Variants in ANKRD7 observed in about 807,000 individuals in gnomAD.
The protein encoded by ANKRD7 is ankyrin repeat domain-containing protein 7.
Under a neutral mutation model 30.8 loss-of-function variants are expected in ANKRD7, and 30 were observed. The ratio of observed to expected loss-of-function variants is 0.97; its 90% CI spans 0.73 to 1.32. The LOEUF is 1.32. Ranked by LOEUF, ANKRD7 falls within the 40% of genes most tolerant of loss-of-function variation. The probability of loss-of-function intolerance (pLI) is 0.00; values close to 1 mark genes in which losing one functional copy is unlikely to be tolerated. For synonymous variants in ANKRD7, 97 were observed against 106.6 expected, an observed-to-expected ratio of 0.91 and a Z score of 0.55; for missense variants, 264 against 295.7, an observed-to-expected ratio of 0.89 and a Z score of 0.79.
intron 1 of ANKRD7, among the ~76,000 whole-genome samples, chr7:118,227,496 A>G (rs908047161): frequency 1.3e-5 from 2 of 152,150 alleles, no homozygotes; most frequent in Non-Finnish European, 2.9e-5. Context: ...GAGACTTCCA[A>G]TTAGTTTCTG....
chr7:118,236,207 CGT>C (rs1809726730), intron 4 of ANKRD7, 60 bp downstream of exon 4: 10 of 595,848 alleles, frequency 1.7e-5, no homozygotes, highest in Non-Finnish European at 2.8e-5. Flanking sequence ...TGTGTGTGTG[CGT>C]ATGTGTGTGT....
intron 6 of ANKRD7, among the ~76,000 whole-genome samples, chr7:118,240,882 C>T (rs1014928521): frequency 5.3e-5 from 8 of 151,990 alleles, no homozygotes; most frequent in East Asian, 3.9e-4. Flanking sequence ...TGGCCGGGCG[C>T]GGTGGCTCAC....
In ANKRD7 at chr7:118,224,750, G is replaced by A; in HGVS notation, c.-81G>A. ...TACTGGAGAGGGCTGCCGGCCGGAT[G>A]CCAGGGCAGAGGGGCAGGGCGGACG... is the stretch of plus-strand genomic sequence containing the variant. On this transcript the variant is annotated 5_prime_UTR_variant, in exon 1 of 7. An upstream start codon of the reference 5' UTR is lost. Transcript: ENST00000265224. 2 of 1,528,314 alleles carry A rather than the reference G, an allele frequency of 1.3e-6. No homozygotes were observed. The highest frequency in any genetic ancestry group is 1.7e-6 in the Non-Finnish European group (2 of 1,142,958). 94.7% of individuals were successfully genotyped at this position (1,528,314 alleles called of 1,614,324 possible).
At position 118,239,966 on chromosome 7, in the gene ANKRD7, CT is replaced by C; in HGVS notation, c.*7del. On this transcript the variant is annotated 3_prime_UTR_variant, in exon 6 of 7. Coordinates refer to ENST00000265224, the MANE Select transcript of ANKRD7 (RefSeq NM_019644.4). ...AAGAAGAAACATGCTAAATAGACAC[CT>C]TATTCTTGGCACTACATGTGACTAA... 1 of 1,585,930 alleles carries C rather than the reference CT, an allele frequency of 6.3e-7. No homozygotes were observed. The highest frequency in any genetic ancestry group is 8.6e-7 in the Non-Finnish European group (1 of 1,162,912).
chr7:118,242,113 G>A (rs181962098), intron 6 of ANKRD7, among the ~76,000 whole-genome samples: 17 of 152,248 alleles, frequency 1.1e-4, no homozygotes, highest in Middle Eastern at 3.4e-3. Context: ...GTTTTAAAGC[G>A]TAGATTTATT....
In ANKRD7 at chr7:118,236,931, G is replaced by C; in HGVS notation, c.712+5G>C. 6.2e-7 allele frequency: 1 copy of C among 1,613,380 alleles called. No homozygotes were observed. Among genetic ancestry groups the C allele is most frequent in the South Asian group, 1.1e-5 (1 of 90,960 alleles). ...TTATTTCCATGGTTTTACTGCGTAA[G>C]TGATACTGCATGTCTTTTAACAACT... On this transcript the variant is annotated splice_donor_5th_base_variant and intron_variant, in intron 5 of 6. Coordinates refer to ENST00000265224, the MANE Select transcript of ANKRD7 (RefSeq NM_019644.4).
At chr7:118,229,949 T>C (rs897156187) in intron 1 of ANKRD7, among the ~76,000 whole-genome samples, 2 of 152,078 alleles carry the variant, frequency 1.3e-5, no homozygotes, top group Non-Finnish European at 2.9e-5. Flanking sequence ...ATCTCAATAG[T>C]TGTAGGAAAA....
At chr7:118,240,256 C>T (rs2116028566) in intron 6 of ANKRD7, among the ~76,000 whole-genome samples, 1 of 152,138 alleles carries the variant, frequency 6.6e-6, no homozygotes, top group East Asian at 1.9e-4. Context: ...TGGTGCACTG[C>T]ACCCACTAAC....
At chr7:118,227,947 T>C (rs1427385501) in intron 1 of ANKRD7, 1 of 1,343,474 alleles carries the variant, frequency 7.4e-7, no homozygotes. Flanking sequence ...TCCAATCTTC[T>C]AGATGGCTTT....
chr7:118,239,066 T>C (rs1178229460), intron 5 of ANKRD7, among the ~76,000 whole-genome samples: 2 of 152,138 alleles, frequency 1.3e-5, no homozygotes, highest in African/African-American at 4.8e-5. Flanking sequence ...GGATGACTTA[T>C]ATGAAAAGGC....
chr7:118,227,988 T>C (rs1277765214), intron 1 of ANKRD7: 1 of 1,317,902 alleles, frequency 7.6e-7, no homozygotes, highest in Admixed American at 2.2e-5. Context: ...AATGACTTTA[T>C]AAGGTAATCG....
chr7:118,227,906 C>CTTTTTTT lies in ANKRD7; in HGVS notation c.179+2905_179+2911dup, dbSNP rs67297938. The CTTTTTTT allele has an allele frequency of 2.4e-6, 3 of 1,243,204 alleles. No homozygotes were observed. In the African/African-American group the frequency reaches 4.8e-5, roughly 20 times the overall value. The allele number at this position is 1,243,204 out of a possible 1,614,324, so 77.0% of individuals were successfully genotyped here. A position where few individuals can be genotyped will look rare whatever the true frequency, so the allele number is the denominator to read the frequency against. ...ATTTAGCTTATTGATAGTATTATGT[C>CTTTTTTT]TTTTTTTTTTTTTTAACAAAAACAG... is the stretch of plus-strand genomic sequence containing the variant. On this transcript the variant is annotated intron_variant, in intron 1 of 6. Transcript: ENST00000265224.
At chr7:118,241,023 G>C (rs574087812) in intron 6 of ANKRD7, among the ~76,000 whole-genome samples, 16 of 149,418 alleles carry the variant, frequency 1.1e-4, no homozygotes, top group Non-Finnish European at 2.1e-4. Context: ...GCGCGGTGGC[G>C]GGCGCCTGTA....
chr7:118,228,544 C>G (rs1385694446), intron 1 of ANKRD7, among the ~76,000 whole-genome samples: 1 of 152,144 alleles, frequency 6.6e-6, no homozygotes, highest in Non-Finnish European at 1.5e-5. Flanking sequence ...ACCACTAGCT[C>G]CATCACATCA....
At chr7:118,236,274 A>G in intron 4 of ANKRD7, 127 bp downstream of exon 4, 1 of 541,758 alleles carries the variant, frequency 1.8e-6, no homozygotes, top group Non-Finnish European at 3.2e-6. Flanking sequence ...TTGGGAAAAT[A>G]TAGAACCATA....
intron 1 of ANKRD7, among the ~76,000 whole-genome samples, 177 bp from the exon 2 acceptor site, chr7:118,234,254 C>T (rs10267938): frequency 0.28 from 43,230 of 152,032 alleles, 6,424 homozygotes; most frequent in Non-Finnish European, 0.33. Flanking sequence ...AACACACTTG[C>T]GCAGCCCTGA....
chr7:118,241,556 T>TTTTTTTTTTTTTTTTG (rs1554369225), intron 6 of ANKRD7, among the ~76,000 whole-genome samples: 1 of 136,010 alleles, frequency 7.4e-6, no homozygotes, highest in Admixed American at 7.7e-5. Context: ...TTTTCTGTTT[T>TTTTTTTTTTTTTTTTG]TGAGGTGGAG....
Position 118,242,730 on chromosome 7 carries a change from A to C in ANKRD7, c.*419A>C, listed in dbSNP as rs998405907. 1.3e-5 allele frequency: 2 copies of C among 152,158 alleles called. No homozygotes were observed. The highest frequency in any genetic ancestry group is 4.8e-5 in the African/African-American group (2 of 41,444). The allele number at this position is 152,158 out of a possible 1,614,324, so 9.4% of individuals were successfully genotyped here. ...ATTATAAATAATCCTGTATAAATCA[A>C]AATTATGTTTTATTTACAAGTATTT... On this transcript the variant is annotated 3_prime_UTR_variant, in exon 7 of 7. Coordinates refer to ENST00000265224, the MANE Select transcript of ANKRD7 (RefSeq NM_019644.4).
intron 1 of ANKRD7, among the ~76,000 whole-genome samples, chr7:118,228,718 C>G (rs889522455): frequency 1.3e-5 from 2 of 152,162 alleles, no homozygotes; most frequent in Non-Finnish European, 2.9e-5. Context: ...TCCTTCACAT[C>G]CATTTGATTA....
Sources: gnomAD v4.1 joint callset for allele counts (sites outside exome capture counted in the v4.1 genomes callset) on GRCh38, gnomAD v4.1.1 for gene constraint, MANE v1.5 for transcripts, NCBI Gene and HGNC (gene_info 2026-07-23, HGNC 2026-07-21) for gene names.